Variants in NAALADL2 observed in about 807,000 individuals in gnomAD.
The protein encoded by NAALADL2 is inactive N-acetylated-alpha-linked acidic dipeptidase-like protein 2.
A neutral mutation model predicts 87.2 loss-of-function variants in NAALADL2; 76 were observed. The ratio of observed to expected loss-of-function variants is 0.87; its 90% CI spans 0.72 to 1.05. The LOEUF is 1.05. Among genes scored for constraint, NAALADL2 ranks in the 50% least tolerant of loss-of-function variants. NAALADL2 has a pLI of 0.00. For synonymous variants in NAALADL2, 354 were observed against 331.0 expected (o/e 1.07, Z -0.75); for missense variants, 1,089 against 945.8 (o/e 1.15, Z -1.99).
intron 2 of NAALADL2, among the ~76,000 whole-genome samples, chr3:175,132,589 G>A (rs1359650364): frequency 8.9e-6 from 1 of 111,736 alleles, no homozygotes. Flanking sequence ...TCCCAGACGG[G>A]GCGGCTGGCC....
chr3:175,240,445 A>G (rs915805978), intron 3 of NAALADL2, among the ~76,000 whole-genome samples: 1 of 152,210 alleles, frequency 6.6e-6, no homozygotes, highest in African/African-American at 2.4e-5. Context: ...TTTATTTTGA[A>G]TATTTTCAAA....
At chr3:174,882,474 T>G (rs571885226) in intron 1 of NAALADL2, among the ~76,000 whole-genome samples, 1 of 151,266 alleles carries the variant, frequency 6.6e-6, no homozygotes, top group Non-Finnish European at 1.5e-5. Context: ...TACATATGTG[T>G]ATGCATACAT....
rs13067168 is a variant in NAALADL2, at chr3:175,225,852, C to T, written c.546-8079C>T. On this transcript the variant is annotated intron_variant, in intron 2 of 13. Transcript: ENST00000454872. ...TTCTCTCTTGAAATCCAAATATGCACTCACTGTTAACCAGAGATGAAATTA... is the reference window on the plus strand; with the variant it reads ...TTCTCTCTTGAAATCCAAATATGCATTCACTGTTAACCAGAGATGAAATTA... Among the ~76,000 whole-genome samples the T allele has an allele frequency of 5.1e-3, 780 of 152,200 alleles. 1 individual carries two copies. Among genetic ancestry groups the T allele is most frequent in the South Asian group, 0.02 (96 of 4,824 alleles).
At chr3:175,766,350 G>A (rs1309210295) in intron 13 of NAALADL2, among the ~76,000 whole-genome samples, 1 of 152,048 alleles carries the variant, frequency 6.6e-6, no homozygotes, top group East Asian at 1.9e-4. Flanking sequence ...CTCAGTAGAC[G>A]GGGATCTTAG....
intron 3 of NAALADL2, among the ~76,000 whole-genome samples, chr3:174,741,764 C>T (rs1048806563): frequency 2.0e-5 from 3 of 151,592 alleles, no homozygotes; most frequent in African/African-American, 7.2e-5. Context: ...CTATAAATTT[C>T]AAAGATATCA....
chr3:174,912,673 C>T (rs1279084893), intron 1 of NAALADL2, among the ~76,000 whole-genome samples: 3 of 152,044 alleles, frequency 2.0e-5, no homozygotes, highest in Non-Finnish European at 4.4e-5. Flanking sequence ...GAATGAAGCA[C>T]AGGATGGAAA....
chr3:174,948,611 C>A (rs1430493737), intron 1 of NAALADL2, among the ~76,000 whole-genome samples: 2 of 152,174 alleles, frequency 1.3e-5, no homozygotes, highest in Admixed American at 6.5e-5. Context: ...ATTTTATTAT[C>A]TTTCATGGCT....
intron 1 of NAALADL2, among the ~76,000 whole-genome samples, chr3:175,056,613 A>G (rs1336845709): frequency 1.3e-5 from 2 of 152,206 alleles, no homozygotes; most frequent in African/African-American, 2.4e-5. Flanking sequence ...CAGGGGTCTT[A>G]TAGCCTTCAG....
intron 2 of NAALADL2, among the ~76,000 whole-genome samples, chr3:175,208,112 G>C (rs747574624): frequency 1.1e-4 from 17 of 152,080 alleles, no homozygotes; most frequent in Non-Finnish European, 2.4e-4. Flanking sequence ...TCCTCCATCT[G>C]ACTGTTCTTT....
intron 1 of NAALADL2, among the ~76,000 whole-genome samples, chr3:175,059,087 A>C (rs568879768): frequency 6.6e-6 from 1 of 152,328 alleles, no homozygotes; most frequent in South Asian, 2.1e-4. Flanking sequence ...AACCTTTTTA[A>C]GTAAAATAAT....
chr3:175,342,751 T>G (rs1762699143), intron 5 of NAALADL2, among the ~76,000 whole-genome samples: 1 of 152,116 alleles, frequency 6.6e-6, no homozygotes, highest in African/African-American at 2.4e-5. Context: ...CAACTTCCTT[T>G]TATGTTTCTT....
intron 1 of NAALADL2, among the ~76,000 whole-genome samples, chr3:175,000,886 A>C (rs186421585): frequency 5.9e-5 from 9 of 152,320 alleles, no homozygotes; most frequent in African/African-American, 2.2e-4. Flanking sequence ...TAGAGAGGCC[A>C]AGTGGTTTGT....
At chr3:174,672,932 G>A (rs1037403352) in intron 2 of NAALADL2, among the ~76,000 whole-genome samples, 1 of 124,708 alleles carries the variant, frequency 8.0e-6, no homozygotes, top group African/African-American at 3.1e-5. Context: ...GGCTTGTACA[G>A]TGAAAGGGGA....
chr3:175,033,263 A>C (rs901975691), intron 1 of NAALADL2, among the ~76,000 whole-genome samples: 1 of 151,942 alleles, frequency 6.6e-6, no homozygotes, highest in African/African-American at 2.4e-5. Flanking sequence ...AAAGTTTAGA[A>C]AGAACTTTTT....
intron 2 of NAALADL2, among the ~76,000 whole-genome samples, chr3:175,176,069 A>G (rs1309123095): frequency 1.3e-5 from 2 of 152,110 alleles, no homozygotes; most frequent in African/African-American, 4.8e-5. Context: ...CATTTTCATC[A>G]GGAACCGGTT....
chr3:175,463,783 T>G (rs1216994822), intron 7 of NAALADL2, among the ~76,000 whole-genome samples: 1 of 149,846 alleles, frequency 6.7e-6, no homozygotes. Context: ...GAGTTTAGAT[T>G]TGGTAAACTG....
At chr3:175,664,747 T>C (rs1215798355) in intron 11 of NAALADL2, among the ~76,000 whole-genome samples, 1 of 152,160 alleles carries the variant, frequency 6.6e-6, no homozygotes. Flanking sequence ...AACTCTAAAT[T>C]ATTGTCATGT....
intron 1 of NAALADL2, among the ~76,000 whole-genome samples, chr3:174,897,749 A>G (rs1196260059): frequency 6.6e-6 from 1 of 152,210 alleles, no homozygotes; most frequent in African/African-American, 2.4e-5. Flanking sequence ...TACAATAGTT[A>G]GGAGCAACCT....
chr3:174,791,380 A>G (rs1717437442), intron 3 of NAALADL2, among the ~76,000 whole-genome samples: 1 of 152,208 alleles, frequency 6.6e-6, no homozygotes, highest in African/African-American at 2.4e-5. Flanking sequence ...CTTGTAAAAA[A>G]GGCCTCAGAG....
Sources: allele counts gnomAD v4.1 joint callset (sites outside exome capture counted in the v4.1 genomes callset), GRCh38; gene constraint gnomAD v4.1.1; transcripts MANE v1.5; gene names NCBI Gene and HGNC (gene_info 2026-07-23, HGNC 2026-07-21).